Variants in BDP1 observed in about 807,000 individuals in gnomAD.
The protein encoded by BDP1 is transcription factor TFIIIB component B'' homolog.
In BDP1, 169 loss-of-function variants were observed where a neutral mutation model predicts 266.6. The observed-to-expected ratio is 0.63, with a 90% CI of 0.56 to 0.72. BDP1 has a LOEUF of 0.72. Among genes scored for constraint, BDP1 ranks in the 30% least tolerant of loss-of-function variants. The probability of loss-of-function intolerance (pLI) is 0.00; values close to 1 mark genes in which losing one functional copy is unlikely to be tolerated. For missense variants in BDP1, 3,015 were observed against 3,053.8 expected (o/e 0.99, Z 0.30); for synonymous variants, 1,090 against 1,022.4 (o/e 1.07, Z -1.26).
At position 71,566,088 on chromosome 5, in the gene BDP1, T is replaced by G. The variant is rs2112149296; in HGVS notation, c.*1203T>G. ...AGCTGGTGTATATGTTTTGAATACC[T>G]TTTTCCCCTCAGTTTAGTATATTGA... On this transcript the variant is annotated 3_prime_UTR_variant, in exon 39 of 39. Coordinates refer to ENST00000358731, the MANE Select transcript of BDP1 (RefSeq NM_018429.3). 5.6e-6 allele frequency: 1 copy of G among 178,072 alleles called. No individual in the cohort carries two copies. Among genetic ancestry groups the G allele is most frequent in the African/African-American group, 2.4e-5 (1 of 41,834 alleles). 11.0% of individuals were successfully genotyped at this position (178,072 alleles called of 1,614,324 possible). A position where few individuals can be genotyped will look rare whatever the true frequency, so the allele number is the denominator to read the frequency against.
At position 71,467,490 on chromosome 5, in the gene BDP1, A is replaced by T. The variant is rs1448184641; in HGVS notation, c.919+3A>T. Reference sequence around the variant, plus strand: ...CTCTAAACCATGGTCAAATAAAGGTAACTAATTTTCATTTAAAAATGTGTA... The same window carrying T: ...CTCTAAACCATGGTCAAATAAAGGTTACTAATTTTCATTTAAAAATGTGTA... On this transcript the variant is annotated splice_donor_region_variant and intron_variant, in intron 6 of 38. Transcript: ENST00000358731. 6.3e-7 allele frequency: 1 copy of T among 1,583,958 alleles called. No individual in the cohort carries two copies. The highest frequency in any genetic ancestry group is 8.6e-7 in the Non-Finnish European group (1 of 1,163,048).
chr5:71,502,996 C>T (rs1764347018), intron 15 of BDP1, among the ~76,000 whole-genome samples: 1 of 146,394 alleles, frequency 6.8e-6, no homozygotes, highest in Non-Finnish European at 1.5e-5. Flanking sequence ...TCAAGTGATT[C>T]TCCTGCCTCA....
At position 71,539,072 on chromosome 5, in the gene BDP1, G is replaced by A. The variant is rs1468252733; in HGVS notation, c.5923G>A (p.Glu1975Lys). Residue 1975 changes from glutamate (E) to lysine (K), a missense_variant, in exon 27 of 39, where the codon GAA becomes AAA. Coordinates refer to ENST00000358731, the MANE Select transcript of BDP1 (RefSeq NM_018429.3). ...EMTTSEHIQD[E>K]PGTNDGSTEA... ...GACCACAAGTGAACATATCCAAGAT[G>A]AACCAGGTAACTGTTATCAAGGAAA... is the stretch of plus-strand genomic sequence containing the variant. The A allele has an allele frequency of 1.9e-6, 3 of 1,602,324 alleles. No individual in the cohort carries two copies. The highest frequency in any genetic ancestry group is 2.6e-6 in the Non-Finnish European group (3 of 1,172,628).
intron 19 of BDP1, 125 bp downstream of exon 19, chr5:71,513,532 A>T: frequency 1.5e-6 from 1 of 666,102 alleles, no homozygotes; most frequent in South Asian, 2.0e-5. Context: ...GCTGCATGTG[A>T]TATTGCTCCC....
At chr5:71,547,241 C>A (rs1378341479) in intron 32 of BDP1, among the ~76,000 whole-genome samples, 1 of 151,430 alleles carries the variant, frequency 6.6e-6, no homozygotes, top group East Asian at 1.9e-4. Context: ...TTCCTTTAAT[C>A]TAGAGTATTT....
chr5:71,513,125 G>T, intron 18 of BDP1, 60 bp from the exon 19 acceptor site: 2 of 1,113,600 alleles, frequency 1.8e-6, no homozygotes, highest in Non-Finnish European at 2.6e-6. Context: ...GTTGTACTGA[G>T]ACTCCGTTTC....
intron 13 of BDP1, among the ~76,000 whole-genome samples, chr5:71,499,635 TA>T (rs961655098): frequency 1.1e-4 from 16 of 151,362 alleles, no homozygotes; most frequent in Admixed American, 3.3e-4. Flanking sequence ...AATAAAAAAT[TA>T]AAAAAAAACC....
chr5:71,462,579 C>T (rs2150349228), intron 3 of BDP1, among the ~76,000 whole-genome samples: 1 of 151,910 alleles, frequency 6.6e-6, no homozygotes, highest in South Asian at 2.1e-4. Context: ...CATGGTGAAA[C>T]CCTGTCTCTA....
intron 36 of BDP1, among the ~76,000 whole-genome samples, chr5:71,558,139 A>G (rs539517837): frequency 6.0e-4 from 91 of 152,332 alleles, no homozygotes; most frequent in African/African-American, 2.0e-3. Context: ...TACCATGGCA[A>G]TGGCACTCAA....
intron 6 of BDP1, among the ~76,000 whole-genome samples, chr5:71,468,374 C>T (rs1453477005): frequency 6.6e-6 from 1 of 151,992 alleles, no homozygotes; most frequent in South Asian, 2.1e-4. Context: ...AGGCTGGTCT[C>T]CAATGCCTAG....
At chr5:71,534,976 C>T (rs892258629) in intron 26 of BDP1, among the ~76,000 whole-genome samples, 6 of 151,838 alleles carry the variant, frequency 4.0e-5, no homozygotes, top group African/African-American at 7.3e-5. Flanking sequence ...TTGGATTGTT[C>T]GTTGCAAGTG....
In BDP1 at chr5:71,504,714, C is replaced by T; in HGVS notation, c.2335C>T (p.Gln779Ter). ...PEKNDSFQNV[Q>*]PDEPKVLNEC... ...GAAAAATGATTCTTTTCAAAATGTG[C>T]AGCCAGATGAGCCCAAGGTTCTTAA... is the stretch of plus-strand genomic sequence containing the variant. Residue 779 changes from glutamine (Q) to a stop codon, truncating the protein, a stop_gained, in exon 16 of 39, where the codon CAG becomes TAG. Transcript: ENST00000358731. LOFTEE classifies it high-confidence loss of function. 1 of 1,613,418 alleles carries T rather than the reference C, an allele frequency of 6.2e-7. No homozygotes were observed. The highest frequency in any genetic ancestry group is 8.5e-7 in the Non-Finnish European group (1 of 1,179,510).
Position 71,501,479 on chromosome 5 carries a change from T to C in BDP1, c.1957-83T>C, listed in dbSNP as rs887953048. On this transcript the variant is annotated intron_variant, in intron 13 of 38. Coordinates refer to ENST00000358731, the MANE Select transcript of BDP1 (RefSeq NM_018429.3). ...TTGAGCCACCGTGCCCGGCCAGTTC[T>C]GTTGTTTTAATTTCCATTTGTTTAT... is the stretch of plus-strand genomic sequence containing the variant. 1.2e-5 allele frequency: 11 copies of C among 924,776 alleles called. No individual in the cohort carries two copies. In the African/African-American group the frequency reaches 1.8e-4, roughly 15 times the overall value. The allele number at this position is 924,776 out of a possible 1,614,324, so 57.3% of individuals were successfully genotyped here.
At chr5:71,507,784 A>C (rs771397321) in intron 16 of BDP1, among the ~76,000 whole-genome samples, 8 of 152,354 alleles carry the variant, frequency 5.3e-5, no homozygotes, top group Non-Finnish European at 1.0e-4. Context: ...TCAATTGCTA[A>C]AGTTAATGAT....
chr5:71,522,697 C>A, intron 23 of BDP1, 59 bp from the exon 24 acceptor site: 1 of 1,492,800 alleles, frequency 6.7e-7, no homozygotes, highest in Non-Finnish European at 9.0e-7. Flanking sequence ...ACTACCAAAC[C>A]AAATTAACAT....
intron 30 of BDP1, 67 bp from the exon 31 acceptor site, chr5:71,544,290 T>C: frequency 7.0e-7 from 1 of 1,434,208 alleles, no homozygotes; most frequent in South Asian, 1.4e-5. Context: ...AGAGGGCATA[T>C]GTTTCTAATA....
In BDP1 at chr5:71,509,786, G is replaced by A; in HGVS notation, c.2694G>A (p.Met898Ile). The A allele has an allele frequency of 6.2e-7, 1 of 1,614,168 alleles. No individual in the cohort carries two copies. The highest frequency in any genetic ancestry group is 1.3e-5 in the African/African-American group (1 of 75,054). ...ATGTGATTGATGACACCATAGAAAT[G>A]GAGACAGGTCTGAAAGCAATGGGAA... ...ILDVIDDTIE[M>I]ETGLKAMGRE... The change falls in exon 17 of 39, where the codon ATG becomes ATA. Residue 898 changes from methionine to isoleucine, a missense_variant. By Grantham distance (10) the Met-to-Ile change is conservative. Coordinates refer to ENST00000358731, the MANE Select transcript of BDP1 (RefSeq NM_018429.3).
At chr5:71,576,736 T>G in the BDP1 span, among the ~76,000 whole-genome samples, 1 of 152,168 alleles carries the variant, frequency 6.6e-6, no homozygotes, top group Non-Finnish European at 1.5e-5. Context: ...CTTTTAATGC[T>G]TCTTCTTTAT....
At chr5:71,534,696 C>T (rs1436235638) in intron 26 of BDP1, among the ~76,000 whole-genome samples, 1 of 152,160 alleles carries the variant, frequency 6.6e-6, no homozygotes, top group African/African-American at 2.4e-5. Context: ...GGCTGGAGTG[C>T]AATGGCGCGA....
Sources: allele counts gnomAD v4.1 joint callset (sites outside exome capture counted in the v4.1 genomes callset), GRCh38; gene constraint gnomAD v4.1.1; transcripts MANE v1.5; gene names NCBI Gene and HGNC (gene_info 2026-07-23, HGNC 2026-07-21).